Variants in PTBP3 observed in about 807,000 individuals in gnomAD.
PTBP3 encodes polypyrimidine tract-binding protein 3.
Under a neutral mutation model 58.7 loss-of-function variants are expected in PTBP3, and 20 were observed. The observed-to-expected ratio is 0.34, with a 90% CI of 0.24 to 0.50. PTBP3 has a LOEUF of 0.50. PTBP3 is among the 20% of genes least tolerant of loss of function. The probability of loss-of-function intolerance (pLI) is 0.98; values close to 1 mark genes in which losing one functional copy is unlikely to be tolerated. For missense variants in PTBP3, 509 were observed against 637.2 expected (o/e 0.80, Z 2.17); for synonymous variants, 185 against 219.8 (o/e 0.84, Z 1.40).
At chr9:112,275,145 T>TA (rs937985112) in intron 3 of PTBP3, among the ~76,000 whole-genome samples, 6 of 151,778 alleles carry the variant, frequency 4.0e-5, no homozygotes, top group African/African-American at 9.7e-5. Context: ...TTTTATTTTT[T>TA]TTTTTGGTGA....
intron 5 of PTBP3, among the ~76,000 whole-genome samples, chr9:112,254,984 T>C (rs1836287730): frequency 6.6e-6 from 1 of 152,086 alleles, no homozygotes; most frequent in Non-Finnish European, 1.5e-5. Flanking sequence ...CATCAATGAA[T>C]AAATGGATAA....
At chr9:112,352,242 G>A in the PTBP3 span, among the ~76,000 whole-genome samples, 2 of 152,134 alleles carry the variant, frequency 1.3e-5, no homozygotes, top group African/African-American at 4.8e-5. Flanking sequence ...TTAAAGTACA[G>A]TATTTGAAAG....
At chr9:112,298,448 C>A in intron 1 of PTBP3, 1 of 379,066 alleles carries the variant, frequency 2.6e-6, no homozygotes, top group South Asian at 2.1e-5. Flanking sequence ...CTCTTTTTTT[C>A]AGGTAAGAGT....
In PTBP3 at chr9:112,227,604, T is replaced by G. The variant is rs1314951128; in HGVS notation, c.1171A>C (p.Arg391=). 1 of 1,613,828 alleles carries G rather than the reference T, an allele frequency of 6.2e-7. No individual in the cohort carries two copies. Among genetic ancestry groups the G allele is most frequent in the Non-Finnish European group, 8.5e-7 (1 of 1,179,892 alleles). The change falls in exon 12 of 14, where the codon AGA becomes CGA. Residue 391 remains arginine, a synonymous_variant. Transcript: ENST00000374257. The stretch of plus-strand genomic sequence containing the variant: ...GCACGAAGCACTTTCCCATAAAGTC[T>G]CTGACCACTTAGATGGTTCATTGCT... The part of the protein sequence containing the change: ...QLAMNHLSGQ[R]LYGKVLRATL...
At chr9:112,250,832 A>C in intron 7 of PTBP3, 97 bp downstream of exon 7, 4 of 1,143,922 alleles carry the variant, frequency 3.5e-6, no homozygotes, top group Non-Finnish European at 4.7e-6. Context: ...TCCTGAGAGA[A>C]CTCGAGAAGA....
intron 2 of PTBP3, among the ~76,000 whole-genome samples, chr9:112,278,995 T>A (rs562384858): frequency 6.6e-6 from 1 of 152,294 alleles, no homozygotes; most frequent in South Asian, 2.1e-4. Flanking sequence ...ATGTCCTTAT[T>A]TGCCATAATT....
intron 1 of PTBP3, among the ~76,000 whole-genome samples, chr9:112,324,382 G>C (rs143516664): frequency 6.6e-6 from 1 of 152,230 alleles, no homozygotes; most frequent in African/African-American, 2.4e-5. Context: ...GCCTGGTGCA[G>C]TGGCTCACAT....
At chr9:112,345,959 A>G in the PTBP3 span, among the ~76,000 whole-genome samples, 2 of 151,650 alleles carry the variant, frequency 1.3e-5, no homozygotes, top group African/African-American at 4.8e-5. Context: ...GGTTCAAGCA[A>G]TTCTCCCTGC....
At chr9:112,340,752 G>A in the PTBP3 span, among the ~76,000 whole-genome samples, 82 of 152,170 alleles carry the variant, frequency 5.4e-4, no homozygotes, top group Middle Eastern at 3.4e-3. Context: ...AGTGGTGCAC[G>A]CCTGTAATCT....
chr9:112,263,658 T>A (rs1836687097), intron 4 of PTBP3, among the ~76,000 whole-genome samples: 1 of 152,218 alleles, frequency 6.6e-6, no homozygotes, highest in African/African-American at 2.4e-5. Context: ...TCTAACTGAA[T>A]CCTTTTGCTA....
chr9:112,262,353 TA>T, intron 5 of PTBP3, 81 bp downstream of exon 5: 2 of 1,173,188 alleles, frequency 1.7e-6, no homozygotes, highest in Non-Finnish European at 2.3e-6. Context: ...ACCAATAAGC[TA>T]AACAACTTAG....
downstream of PTBP3, chr9:112,218,254 A>T (rs1346247458): frequency 1.3e-5 from 2 of 152,266 alleles, no homozygotes; most frequent in Non-Finnish European, 2.9e-5. Context: ...AAATGAAGAC[A>T]GAGACAGTTA....
chr9:112,379,353 A>G, the PTBP3 span, among the ~76,000 whole-genome samples: 1 of 152,236 alleles, frequency 6.6e-6, no homozygotes, highest in African/African-American at 2.4e-5. Context: ...TTAGCTCATC[A>G]GAGTAGCTGA....
chr9:112,299,315 A>T (rs2132321026), intron 1 of PTBP3, among the ~76,000 whole-genome samples: 1 of 152,294 alleles, frequency 6.6e-6, no homozygotes, highest in African/African-American at 2.4e-5. Flanking sequence ...GCAGAAATGT[A>T]TTTTTTCAAG....
At chr9:112,369,353 C>T in the PTBP3 span, among the ~76,000 whole-genome samples, 2 of 152,296 alleles carry the variant, frequency 1.3e-5, no homozygotes, top group African/African-American at 4.8e-5. Flanking sequence ...GCGTCTGTAC[C>T]CTGCAAAGCC....
At chr9:112,296,010 C>A (rs1285080238) in intron 2 of PTBP3, among the ~76,000 whole-genome samples, 1 of 152,166 alleles carries the variant, frequency 6.6e-6, no homozygotes, top group South Asian at 2.1e-4. Flanking sequence ...TTTCTTAAAA[C>A]GTTGTGAGAC....
chr9:112,378,302 A>G, the PTBP3 span, among the ~76,000 whole-genome samples: 1 of 152,256 alleles, frequency 6.6e-6, no homozygotes, highest in Non-Finnish European at 1.5e-5. Context: ...TGTGAAAGCC[A>G]TCGCAAAGTA....
chr9:112,242,714 G>A (rs1457318146), intron 7 of PTBP3: 2 of 152,182 alleles, frequency 1.3e-5, no homozygotes, highest in Admixed American at 6.5e-5. Context: ...GGGAAGTCAC[G>A]ATATTGATGC....
At chr9:112,336,495 A>T (rs1030106554), upstream of PTBP3, among the ~76,000 whole-genome samples, 3 of 133,214 alleles carry the variant, frequency 2.3e-5, no homozygotes, top group Non-Finnish European at 4.7e-5. Flanking sequence ...AAAAAAAAAA[A>T]TTTGGCTGGG....
Sources: allele counts gnomAD v4.1 joint callset (sites outside exome capture counted in the v4.1 genomes callset), GRCh38; gene constraint gnomAD v4.1.1; transcripts MANE v1.5; gene names NCBI Gene and HGNC (gene_info 2026-07-23, HGNC 2026-07-21).